TRIP12: variants seen among roughly 807,000 people sequenced by gnomAD.
The protein encoded by TRIP12 is thyroid hormone receptor interactor 12.
TRIP12 carries 25 observed loss-of-function variants against 244.2 expected under a neutral mutation model. The observed-to-expected ratio is 0.10, with a 90% CI of 0.07 to 0.14. The LOEUF (loss-of-function observed/expected upper bound fraction) is 0.14, where lower values mean the gene tolerates loss of function less well. Among genes scored for constraint, TRIP12 ranks in the 10% least tolerant of loss-of-function variants. The pLI is 1.00. For missense variants in TRIP12, 1,677 were observed against 2,486.4 expected (o/e 0.67, Z 6.92); for synonymous variants, 905 against 873.1 (o/e 1.04, Z -0.64).
chr2:229,764,336 A>G lies in TRIP12; in HGVS notation c.*3218T>C, dbSNP rs1054301918. ...TCTCAGAGAATCATAAATACAGAATATGACATTTCCAAACAATTATTCTCA... is the reference window on the plus strand; with the variant it reads ...TCTCAGAGAATCATAAATACAGAATGTGACATTTCCAAACAATTATTCTCA... On this transcript the variant is annotated 3_prime_UTR_variant, in exon 42 of 42. Transcript: ENST00000675903. The G allele has an allele frequency of 1.3e-5, 2 of 152,224 alleles. No homozygotes were observed. The highest frequency in any genetic ancestry group is 2.9e-5 in the Non-Finnish European group (2 of 68,044). The allele number at this position is 152,224 out of a possible 1,614,324, so 9.4% of individuals were successfully genotyped here.
At position 229,860,432 on chromosome 2, in the gene TRIP12, T is replaced by G; in HGVS notation, c.198A>C (p.Glu66Asp). 1 of 1,610,020 alleles carries G rather than the reference T, an allele frequency of 6.2e-7. No individual in the cohort carries two copies. Among genetic ancestry groups the G allele is most frequent in the Admixed American group, 1.7e-5 (1 of 59,852 alleles). The change falls in exon 3 of 42, where the codon GAA (glutamate) becomes GAC (aspartate). Residue 66 changes from glutamate (E) to aspartate (D), a missense_variant. Around this residue, in one of 11 missense-constraint regions of TRIP12, gnomAD observed 387 missense variants for 392.6 expected, o/e 0.99. Coordinates refer to ENST00000675903, the MANE Select transcript of TRIP12 (RefSeq NM_001348323.3). ...TTTTAGAAAGGTGTCCCCTTGACAG[T>G]TCAGAAGTAGTATTAGACTGCACTT... is the stretch of plus-strand genomic sequence containing the variant. ...APKVQSNTTS[E>D]LSRGHLSKRS...
At chr2:229,789,524 GC>G in intron 31 of TRIP12, 86 bp downstream of exon 31, 1 of 1,496,302 alleles carries the variant, frequency 6.7e-7, no homozygotes, top group Non-Finnish European at 9.0e-7. Context: ...CCTGCATTTA[GC>G]TGAATCACTG....
intron 23 of TRIP12, 142 bp downstream of exon 23, chr2:229,798,733 T>C (rs2043437377): frequency 1.1e-6 from 1 of 927,358 alleles, no homozygotes; most frequent in Non-Finnish European, 1.6e-6. Flanking sequence ...AGAAACTACC[T>C]AATTCTTGAA....
intron 2 of TRIP12, among the ~76,000 whole-genome samples, chr2:229,877,882 C>A (rs2154352020): frequency 6.6e-6 from 1 of 152,230 alleles, no homozygotes; most frequent in South Asian, 2.1e-4. Flanking sequence ...CTAAAATGAA[C>A]ATGTAACACT....
intron 18 of TRIP12, among the ~76,000 whole-genome samples, chr2:229,805,078 T>C (rs1214547127): frequency 6.6e-6 from 1 of 152,070 alleles, no homozygotes; most frequent in East Asian, 1.9e-4. Flanking sequence ...GCTAGTTTTT[T>C]GTATTTTTAG....
intron 29 of TRIP12, among the ~76,000 whole-genome samples, chr2:229,791,596 G>C (rs2041550354): frequency 6.6e-6 from 1 of 152,140 alleles, no homozygotes; most frequent in African/African-American, 2.4e-5. Flanking sequence ...CAACATTTTT[G>C]TCTTAATTAA....
intron 1 of TRIP12, among the ~76,000 whole-genome samples, chr2:229,886,447 T>C (rs2066030480): frequency 2.0e-5 from 3 of 151,836 alleles, no homozygotes; most frequent in Admixed American, 2.0e-4. Context: ...CGGGATATTA[T>C]ACAACATGTA....
intron 3 of TRIP12, 87 bp from the exon 4 acceptor site, chr2:229,859,661 A>G: frequency 7.2e-7 from 1 of 1,395,146 alleles, no homozygotes. Flanking sequence ...TAAAGTATGA[A>G]TATGTTCCTA....
Position 229,818,429 on chromosome 2 carries a change from A to G in TRIP12, c.1534T>C (p.Leu512=). 1.9e-6 allele frequency: 3 copies of G among 1,614,190 alleles called. No homozygotes were observed. The highest frequency in any genetic ancestry group is 2.5e-6 in the Non-Finnish European group (3 of 1,180,004). ...QLQAVIEMCQ[L]LVMGNEETLG... The stretch of plus-strand genomic sequence containing the variant: ...GTCTCCTCATTTCCCATGACCAGTA[A>G]CTGACACATCTCAATAACTGCCTGA... Residue 512 remains leucine (L), a synonymous_variant, in exon 9 of 42, where the codon TTA becomes CTA. Coordinates refer to ENST00000675903, the MANE Select transcript of TRIP12 (RefSeq NM_001348323.3).
chr2:229,805,057 C>G (rs1424613589), intron 18 of TRIP12, among the ~76,000 whole-genome samples: 3 of 152,144 alleles, frequency 2.0e-5, no homozygotes. Flanking sequence ...AGGCGCCCAC[C>G]ACCACGCTCG....
chr2:229,836,394 C>T (rs1281295785), intron 6 of TRIP12, among the ~76,000 whole-genome samples: 1 of 152,050 alleles, frequency 6.6e-6, no homozygotes, highest in African/African-American at 2.4e-5. Context: ...TTTTGTGCTT[C>T]TAATATATCA....
intron 8 of TRIP12, among the ~76,000 whole-genome samples, chr2:229,825,106 T>A (rs570774693): frequency 6.6e-6 from 1 of 152,230 alleles, no homozygotes; most frequent in East Asian, 1.9e-4. Flanking sequence ...GTAAAAACAC[T>A]TTTTAACTTT....
chr2:229,772,446 A>G lies in TRIP12; in HGVS notation c.5695-814T>C, dbSNP rs915245578. Among the ~76,000 whole-genome samples, 7 of 152,312 alleles carry G rather than the reference A, an allele frequency of 4.6e-5. No homozygotes were observed. In the South Asian group the frequency reaches 1.2e-3, roughly 27 times the overall value. On this transcript the variant is annotated intron_variant, in intron 38 of 41. Coordinates refer to ENST00000675903, the MANE Select transcript of TRIP12 (RefSeq NM_001348323.3). ...ATTACTTATGAATCACAGAACTGTT[A>G]AGTAACAGGGGACTCTGGTTATTAT...
At chr2:229,768,808 T>TA in intron 40 of TRIP12, 89 bp from the exon 41 acceptor site, 2 of 1,216,160 alleles carry the variant, frequency 1.6e-6, no homozygotes, top group South Asian at 3.1e-5. Flanking sequence ...ACATAAAAAT[T>TA]AGATTAGCAC....
chr2:229,772,601 C>T (rs1192786231), intron 38 of TRIP12, among the ~76,000 whole-genome samples: 4 of 152,224 alleles, frequency 2.6e-5, no homozygotes, highest in African/African-American at 9.6e-5. Context: ...GTAGCTGGGA[C>T]TACAGGCGTG....
intron 1 of TRIP12, among the ~76,000 whole-genome samples, chr2:229,894,080 G>C (rs1010334964): frequency 6.6e-6 from 1 of 152,140 alleles, no homozygotes; most frequent in African/African-American, 2.4e-5. Flanking sequence ...ACTTGAACCT[G>C]AGGGATGGAG....
At chr2:229,789,399 G>C (rs999274375) in intron 31 of TRIP12, among the ~76,000 whole-genome samples, 10 of 152,104 alleles carry the variant, frequency 6.6e-5, no homozygotes, top group African/African-American at 2.4e-4. Context: ...TTTATTCCTA[G>C]AGAGAATTTT....
intron 21 of TRIP12, 68 bp from the exon 22 acceptor site, chr2:229,799,451 A>C (rs2043660082): frequency 3.5e-6 from 5 of 1,432,354 alleles, no homozygotes; most frequent in South Asian, 1.1e-5. Context: ...TCACTGAAAA[A>C]GCAAACTAAA....
At chr2:229,842,382 T>A (rs1477180752) in intron 4 of TRIP12, among the ~76,000 whole-genome samples, 1 of 152,206 alleles carries the variant, frequency 6.6e-6, no homozygotes, top group Non-Finnish European at 1.5e-5. Flanking sequence ...TCTAGGGAGC[T>A]AGCTTGGTAA....
Sources: allele counts gnomAD v4.1 joint callset (sites outside exome capture counted in the v4.1 genomes callset), GRCh38; gene constraint gnomAD v4.1.1; regional missense constraint gnomAD v4.1.1; transcripts MANE v1.5; gene names NCBI Gene and HGNC (gene_info 2026-07-23, HGNC 2026-07-21).